The following DTHD1 variants were observed in gnomAD, a reference collection of about 807,000 sequenced individuals.
DTHD1 encodes death domain-containing protein 1.
A neutral mutation model predicts 74.8 loss-of-function variants in DTHD1; 59 were observed. That is an observed-to-expected ratio of 0.79 (90% CI 0.64 to 0.98). The LOEUF (loss-of-function observed/expected upper bound fraction) is 0.98. Ranked by LOEUF, DTHD1 falls within the 50% of genes least tolerant of loss-of-function variation. DTHD1 has a pLI of 0.00. For synonymous variants in DTHD1, 365 were observed against 371.1 expected (o/e 0.98, Z 0.19); for missense variants, 1,051 against 1,065.4 (o/e 0.99, Z 0.19).
Position 36,346,066 on chromosome 4 carries a change from C to G in DTHD1, c.*2242C>G, listed in dbSNP as rs1284340338. Among the ~76,000 whole-genome samples, 1 of 152,042 alleles carries G rather than the reference C, an allele frequency of 6.6e-6. No homozygotes were observed. Among genetic ancestry groups the G allele is most frequent in the East Asian group, 1.9e-4 (1 of 5,188 alleles). On this transcript the variant is annotated 3_prime_UTR_variant, in exon 10 of 10. Coordinates refer to ENST00000639862, the MANE Select transcript of DTHD1 (RefSeq NM_001170700.3). The stretch of plus-strand genomic sequence containing the variant: ...TCCTGCACACCCAGCTCCCAACTCT[C>G]TCACAGAAACACACCTATTCACATA...
At chr4:36,293,134 A>T (rs548656284) in intron 3 of DTHD1, among the ~76,000 whole-genome samples, 17 of 152,228 alleles carry the variant, frequency 1.1e-4, no homozygotes, top group Non-Finnish European at 2.4e-4. Flanking sequence ...AGTCCTTAGG[A>T]TTCCCTAGAA....
chr4:36,314,299 G>A (rs2109515251), intron 7 of DTHD1, among the ~76,000 whole-genome samples: 2 of 152,202 alleles, frequency 1.3e-5, no homozygotes, highest in East Asian at 3.9e-4. Context: ...AAAATGGAAA[G>A]TTTTCCATGA....
At chr4:36,338,231 G>A (rs1481019474) in intron 8 of DTHD1, among the ~76,000 whole-genome samples, 1 of 152,084 alleles carries the variant, frequency 6.6e-6, no homozygotes, top group Non-Finnish European at 1.5e-5. Context: ...AACCTTTTGA[G>A]ACTAGAATAT....
chr4:36,318,741 A>C (rs1253082430), intron 8 of DTHD1, among the ~76,000 whole-genome samples: 1 of 149,886 alleles, frequency 6.7e-6, no homozygotes, highest in Non-Finnish European at 1.5e-5. Flanking sequence ...CAGCCTCCCG[A>C]GTAGCTGGGA....
chr4:36,343,832 A>G lies in DTHD1; in HGVS notation c.*8A>G. Reference sequence around the variant, plus strand: ...GATGTAGCCCCTGAGTAAAAGCCTGATCTCTCTTCCTTTACCCCTAGGAAA... The same window carrying G: ...GATGTAGCCCCTGAGTAAAAGCCTGGTCTCTCTTCCTTTACCCCTAGGAAA... On this transcript the variant is annotated 3_prime_UTR_variant, in exon 10 of 10. Coordinates refer to ENST00000639862, the MANE Select transcript of DTHD1 (RefSeq NM_001170700.3). 3.3e-6 allele frequency: 5 copies of G among 1,536,536 alleles called. No homozygotes were observed. The highest frequency in any genetic ancestry group is 4.4e-6 in the Non-Finnish European group (5 of 1,138,370).
chr4:36,327,197 C>T (rs1758402975), intron 8 of DTHD1, among the ~76,000 whole-genome samples: 1 of 152,124 alleles, frequency 6.6e-6, no homozygotes. Context: ...GAACTCCTGA[C>T]CTCAGGTGAT....
intron 5 of DTHD1, among the ~76,000 whole-genome samples, chr4:36,300,222 G>T (rs539821038): frequency 1.9e-4 from 29 of 152,076 alleles, no homozygotes; most frequent in Non-Finnish European, 3.5e-4. Context: ...CAGGCATAAT[G>T]GAGTTGCTTT....
At chr4:36,289,957 C>T (rs1755962243) in intron 2 of DTHD1, among the ~76,000 whole-genome samples, 2 of 151,958 alleles carry the variant, frequency 1.3e-5, no homozygotes, top group Admixed American at 6.6e-5. Flanking sequence ...ACTCCCTCTC[C>T]TCACAATTGA....
intron 8 of DTHD1, among the ~76,000 whole-genome samples, chr4:36,320,460 T>C (rs1254923938): frequency 6.6e-6 from 1 of 152,218 alleles, no homozygotes; most frequent in African/African-American, 2.4e-5. Context: ...GAAACTATAT[T>C]GGCATGTTTA....
Position 36,321,274 on chromosome 4 carries a change from G to A in DTHD1, c.2340+4788G>A, listed in dbSNP as rs1758021848. On this transcript the variant is annotated intron_variant, in intron 8 of 9. Transcript: ENST00000639862. ...GGGCCATGAAATGGTAGCAGTTCGT[G>A]GTCTGTTAGGAACCAGGAGGTGAAC... Among the ~76,000 whole-genome samples the A allele has an allele frequency of 3.3e-5, 5 of 152,126 alleles. No individual in the cohort carries two copies. The South Asian group carries it at 1.0e-3, about 32-fold the overall frequency.
At chr4:36,332,231 A>C (rs1758731430) in intron 8 of DTHD1, among the ~76,000 whole-genome samples, 1 of 76,274 alleles carries the variant, frequency 1.3e-5, no homozygotes, top group African/African-American at 4.9e-5. Context: ...ATAAAATAAA[A>C]TAAAATAAAA....
At chr4:36,285,317 A>G (rs776838244) in intron 2 of DTHD1, among the ~76,000 whole-genome samples, 2 of 152,182 alleles carry the variant, frequency 1.3e-5, no homozygotes, top group African/African-American at 2.4e-5. Flanking sequence ...AGAATGTTTT[A>G]GCCTCAGATT....
intron 8 of DTHD1, among the ~76,000 whole-genome samples, chr4:36,326,589 G>A (rs1039297876): frequency 6.6e-6 from 1 of 152,194 alleles, no homozygotes; most frequent in Non-Finnish European, 1.5e-5. Context: ...GTTCCTCAGG[G>A]TTGAGAGCAC....
At chr4:36,340,774 G>A (rs1389870574) in intron 9 of DTHD1, among the ~76,000 whole-genome samples, 1 of 151,636 alleles carries the variant, frequency 6.6e-6, no homozygotes, top group Non-Finnish European at 1.5e-5. Flanking sequence ...AGTTAGTGGT[G>A]ATGGTAACGT....
chr4:36,296,783 T>A (rs1351995398), intron 5 of DTHD1, among the ~76,000 whole-genome samples: 1 of 152,108 alleles, frequency 6.6e-6, no homozygotes, highest in Non-Finnish European at 1.5e-5. Context: ...CTTTTTCCAA[T>A]CTGCTTCATT....
intron 8 of DTHD1, among the ~76,000 whole-genome samples, chr4:36,322,491 A>AC (rs571040151): frequency 2.7e-4 from 41 of 152,242 alleles, no homozygotes; most frequent in African/African-American, 9.1e-4. Context: ...CTGAGGAGCA[A>AC]CCGGAGACCA....
intron 5 of DTHD1, among the ~76,000 whole-genome samples, chr4:36,299,473 G>A (rs200628794): frequency 1.6e-4 from 25 of 152,104 alleles, no homozygotes; most frequent in African/African-American, 4.3e-4. Flanking sequence ...GGTGTTTTGC[G>A]TCTATGTATG....
chr4:36,290,048 C>T (rs1755966578), intron 2 of DTHD1, among the ~76,000 whole-genome samples: 1 of 152,028 alleles, frequency 6.6e-6, no homozygotes, highest in African/African-American at 2.4e-5. Flanking sequence ...TAATCAATTG[C>T]TTAAATAACA....
At chr4:36,288,308 G>A (rs1755841378) in intron 2 of DTHD1, among the ~76,000 whole-genome samples, 2 of 152,132 alleles carry the variant, frequency 1.3e-5, no homozygotes, top group East Asian at 1.9e-4. Context: ...ATATTGTTCA[G>A]GCTGGTCTTG....
Sources: allele counts gnomAD v4.1 joint callset (sites outside exome capture counted in the v4.1 genomes callset), GRCh38; gene constraint gnomAD v4.1.1; transcripts MANE v1.5; gene names NCBI Gene and HGNC (gene_info 2026-07-23, HGNC 2026-07-21).